Variants in GLT1D1 observed in about 807,000 individuals in gnomAD.
The protein encoded by GLT1D1 is glycosyltransferase 1 domain containing 1, also known as glycosyltransferase 1 domain-containing protein 1.
A neutral mutation model predicts 28.7 loss-of-function variants in GLT1D1; 21 were observed. The ratio of observed to expected loss-of-function variants is 0.73; its 90% CI spans 0.52 to 1.05. The LOEUF (loss-of-function observed/expected upper bound fraction) is 1.05, where lower values mean the gene tolerates loss of function less well. Among genes scored for constraint, GLT1D1 ranks in the 50% least tolerant of loss-of-function variants. The pLI is 0.00. For missense variants in GLT1D1, 343 were observed against 330.6 expected, an observed-to-expected ratio of 1.04 and a Z score of -0.29; for synonymous variants, 147 against 124.8, an observed-to-expected ratio of 1.18 and a Z score of -1.19.
chr12:128,889,838 G>A (rs1481123935), intron 3 of GLT1D1, among the ~76,000 whole-genome samples: 3 of 152,182 alleles, frequency 2.0e-5, no homozygotes, highest in Non-Finnish European at 4.4e-5. Context: ...GCAATGGCGC[G>A]ATCTTGGCTC....
At chr12:128,973,939 GTGTGTGTGTGT>G (rs1879509842) in intron 7 of GLT1D1, among the ~76,000 whole-genome samples, 1 of 76,218 alleles carries the variant, frequency 1.3e-5, no homozygotes, top group Non-Finnish European at 3.4e-5. Context: ...TGTGTGTAGG[GTGTGTGTGTGT>G]GGGGGGGGCG....
chr12:128,863,732 G>T (rs938715283), intron 1 of GLT1D1, among the ~76,000 whole-genome samples: 4 of 151,606 alleles, frequency 2.6e-5, no homozygotes, highest in African/African-American at 9.7e-5. Flanking sequence ...GAAAGTTAGA[G>T]TAATAATTTT....
At position 128,927,190 on chromosome 12, in the gene GLT1D1, T is replaced by C. The variant is rs557801412; in HGVS notation, c.376-18136T>C. ...GTGCAGTAAACACTTATCTCATCTC[T>C]GTTTTCCTCTATATACTTTTTATGT... On this transcript the variant is annotated intron_variant, in intron 4 of 7. Transcript: ENST00000281703. 3.3e-5 allele frequency: 47 copies of C among 1,428,962 alleles called. 1 individual carries two copies. In the East Asian group the frequency reaches 8.7e-4, roughly 26 times the overall value. 88.5% of individuals were successfully genotyped at this position (1,428,962 alleles called of 1,614,324 possible). A position where few individuals can be genotyped will look rare whatever the true frequency, so the allele number is the denominator to read the frequency against.
At chr12:128,867,855 G>A (rs914171058) in intron 1 of GLT1D1, among the ~76,000 whole-genome samples, 1 of 152,214 alleles carries the variant, frequency 6.6e-6, no homozygotes, top group Non-Finnish European at 1.5e-5. Context: ...GGGGGCAGAG[G>A]TCAATGGTCT....
At chr12:128,929,790 G>A (rs1171089578) in intron 4 of GLT1D1, among the ~76,000 whole-genome samples, 3 of 152,104 alleles carry the variant, frequency 2.0e-5, no homozygotes, top group Non-Finnish European at 4.4e-5. Flanking sequence ...GTGAAACCCC[G>A]TCTCTACTAA....
At chr12:128,964,646 G>T (rs1429802027) in intron 7 of GLT1D1, among the ~76,000 whole-genome samples, 2 of 152,186 alleles carry the variant, frequency 1.3e-5, no homozygotes, top group Non-Finnish European at 2.9e-5. Flanking sequence ...ACCTGTGGGA[G>T]AACTGAAGCA....
At chr12:128,853,679 C>A in intron 1 of GLT1D1, 30 bp downstream of exon 1, 1 of 1,080,300 alleles carries the variant, frequency 9.3e-7, no homozygotes, top group Non-Finnish European at 1.1e-6. Context: ...GCCTACGAAG[C>A]CTGGGCCGGG....
chr12:128,919,586 T>TACAA (rs1306159968), intron 4 of GLT1D1, among the ~76,000 whole-genome samples: 1 of 152,222 alleles, frequency 6.6e-6, no homozygotes, highest in Non-Finnish European at 1.5e-5. Context: ...TTATCTCACA[T>TACAA]ACAAACAGGT....
At chr12:128,979,572 A>G (rs1880118164) in intron 7 of GLT1D1, among the ~76,000 whole-genome samples, 1 of 152,186 alleles carries the variant, frequency 6.6e-6, no homozygotes, top group Admixed American at 6.5e-5. Flanking sequence ...TGGGCAACAC[A>G]GTGAAACCCC....
At chr12:128,959,523 G>A (rs1877722795) in intron 7 of GLT1D1, among the ~76,000 whole-genome samples, 1 of 151,056 alleles carries the variant, frequency 6.6e-6, no homozygotes, top group Non-Finnish European at 1.5e-5. Flanking sequence ...AAGTCGCAAG[G>A]TATCAGCAGG....
intron 4 of GLT1D1, among the ~76,000 whole-genome samples, chr12:128,933,271 G>A (rs1300755163): frequency 6.6e-6 from 1 of 152,274 alleles, no homozygotes; most frequent in Admixed American, 6.5e-5. Flanking sequence ...GATGCGGGTA[G>A]ACGCAGGCGG....
At chr12:128,882,344 C>A (rs1957079078) in intron 2 of GLT1D1, among the ~76,000 whole-genome samples, 1 of 142,292 alleles carries the variant, frequency 7.0e-6, no homozygotes, top group East Asian at 2.1e-4. Flanking sequence ...ATGGTGAGAT[C>A]TTGGCTCACT....
At chr12:128,893,647 G>A (rs1869314620) in intron 3 of GLT1D1, among the ~76,000 whole-genome samples, 2 of 152,176 alleles carry the variant, frequency 1.3e-5, no homozygotes, top group Admixed American at 1.3e-4. Context: ...GTGCAGTGGT[G>A]CAGTCTGAGC....
intron 3 of GLT1D1, among the ~76,000 whole-genome samples, chr12:128,893,925 A>G (rs190569787): frequency 1.5e-4 from 23 of 152,294 alleles, no homozygotes; most frequent in African/African-American, 5.5e-4. Context: ...GAAGTTTCCC[A>G]GCAAAGGAAG....
At chr12:128,860,711 C>T (rs567399827) in intron 1 of GLT1D1, among the ~76,000 whole-genome samples, 1 of 152,238 alleles carries the variant, frequency 6.6e-6, no homozygotes, top group African/African-American at 2.4e-5. Flanking sequence ...GAGAGTTCTG[C>T]AGCCCAGCAG....
At chr12:128,973,345 G>C (rs938826408) in intron 7 of GLT1D1, among the ~76,000 whole-genome samples, 2 of 113,098 alleles carry the variant, frequency 1.8e-5, no homozygotes, top group Non-Finnish European at 3.6e-5. Flanking sequence ...ACCACACCTG[G>C]CTATTTTTTT....
chr12:128,889,317 AT>A, intron 3 of GLT1D1, among the ~76,000 whole-genome samples: 2 of 152,236 alleles, frequency 1.3e-5, no homozygotes, highest in East Asian at 3.9e-4. Flanking sequence ...CACCAACAGG[AT>A]TTCTAAACTG....
intron 2 of GLT1D1, among the ~76,000 whole-genome samples, chr12:128,885,169 C>T (rs901757373): frequency 1.3e-5 from 2 of 152,060 alleles, no homozygotes; most frequent in African/African-American, 4.8e-5. Flanking sequence ...TTATCTACAT[C>T]ATGTTATAGC....
intron 1 of GLT1D1, among the ~76,000 whole-genome samples, chr12:128,874,124 C>CTCTCTCTTTCTT (rs1956807030): frequency 7.6e-5 from 3 of 39,284 alleles, no homozygotes; most frequent in African/African-American, 2.2e-4. Flanking sequence ...CTCTCTCTCT[C>CTCTCTCTTTCTT]TCTTTCTTTC....
Sources: allele counts gnomAD v4.1 joint callset (sites outside exome capture counted in the v4.1 genomes callset), GRCh38; gene constraint gnomAD v4.1.1; transcripts MANE v1.5; gene names NCBI Gene and HGNC (gene_info 2026-07-23, HGNC 2026-07-21).